Variants in PARD3B observed in about 807,000 individuals in gnomAD.
PARD3B encodes the protein partitioning defective 3 homolog B.
In PARD3B, 103 loss-of-function variants were observed where a neutral mutation model predicts 130.2. The observed-to-expected ratio is 0.79, with a 90% confidence interval of 0.67 to 0.93. PARD3B has a LOEUF of 0.93. PARD3B is among the 40% of genes least tolerant of loss of function. The pLI, the probability that PARD3B is intolerant of heterozygous loss-of-function variation, is 0.00. For synonymous variants in PARD3B, 583 were observed against 553.2 expected (o/e 1.05, Z -0.76); for missense variants, 1,609 against 1,499.2 (o/e 1.07, Z -1.21).
At chr2:205,377,899 T>A (rs2105925187) in intron 18 of PARD3B, among the ~76,000 whole-genome samples, 1 of 151,930 alleles carries the variant, frequency 6.6e-6, no homozygotes, top group South Asian at 2.1e-4. Flanking sequence ...GCCTCCCAAG[T>A]AGCTGGGACT....
chr2:205,034,088 C>T (rs1397571234), intron 3 of PARD3B, among the ~76,000 whole-genome samples: 4 of 152,154 alleles, frequency 2.6e-5, no homozygotes, highest in Non-Finnish European at 5.9e-5. Context: ...ACAGTAGCAA[C>T]TTATTTACAT....
intron 16 of PARD3B, among the ~76,000 whole-genome samples, chr2:205,249,006 GTTTTTTTT>G (rs10707308): frequency 8.4e-5 from 8 of 95,084 alleles, no homozygotes; most frequent in Non-Finnish European, 2.0e-5. Context: ...TAAAATAAGA[GTTTTTTTT>G]TTTTTTTTTT....
chr2:204,600,423 G>C (rs1326079419), intron 1 of PARD3B, among the ~76,000 whole-genome samples: 1 of 151,586 alleles, frequency 6.6e-6, no homozygotes, highest in African/African-American at 2.4e-5. Context: ...TGAAGAGATT[G>C]TTCTTTCTTT....
intron 22 of PARD3B, among the ~76,000 whole-genome samples, chr2:205,567,949 GC>G (rs2053418184): frequency 2.0e-5 from 3 of 152,166 alleles, no homozygotes; most frequent in Admixed American, 6.5e-5. Context: ...CTCACACCTT[GC>G]CCCACCTGGG....
In PARD3B at chr2:205,572,127, A is replaced by C. The variant is rs2053580010; in HGVS notation, c.3260+18724A>C. 1.3e-5 allele frequency among the ~76,000 whole-genome samples: 2 copies of C among 152,316 alleles called. No homozygotes were observed. The highest frequency in any genetic ancestry group is 4.1e-4 in the South Asian group (2 of 4,824). Reference sequence around the variant, plus strand: ...TCATTCAGTAAACTTTTACATAAATACTACTATATAGCCAGCACTGAGGAA... The same window carrying C: ...TCATTCAGTAAACTTTTACATAAATCCTACTATATAGCCAGCACTGAGGAA... On this transcript the variant is annotated intron_variant, in intron 22 of 22. Transcript: ENST00000406610. This position sits in a 1 kb window ranked among gnomAD's most constrained non-coding sequence, Gnocchi z 4.2.
chr2:205,172,144 C>T, intron 11 of PARD3B, 67 bp from the exon 12 acceptor site: 1 of 1,455,030 alleles, frequency 6.9e-7, no homozygotes, highest in Non-Finnish European at 9.3e-7. Flanking sequence ...GAACTTTTCC[C>T]CAAAACGCCA....
At chr2:204,746,513 G>A (rs1274051039) in intron 2 of PARD3B, among the ~76,000 whole-genome samples, 2 of 151,962 alleles carry the variant, frequency 1.3e-5, no homozygotes, top group Non-Finnish European at 1.5e-5. Context: ...GGGATGGCTG[G>A]GTCAAATGGT....
intron 21 of PARD3B, among the ~76,000 whole-genome samples, chr2:205,536,700 C>G (rs2051876343): frequency 6.6e-6 from 1 of 152,202 alleles, no homozygotes; most frequent in African/African-American, 2.4e-5. Context: ...GTAACTCTCT[C>G]TACTTCCTTC....
At chr2:204,927,886 A>T (rs1687748514) in intron 2 of PARD3B, among the ~76,000 whole-genome samples, 1 of 152,174 alleles carries the variant, frequency 6.6e-6, no homozygotes, top group South Asian at 2.1e-4. Context: ...AGATTGATAG[A>T]TAATATATGT....
intron 1 of PARD3B, among the ~76,000 whole-genome samples, chr2:204,633,913 G>T (rs2034779862): frequency 6.6e-6 from 1 of 152,156 alleles, no homozygotes; most frequent in Non-Finnish European, 1.5e-5. Flanking sequence ...ACAGGCAAAT[G>T]TGTAATGTGA....
intron 2 of PARD3B, among the ~76,000 whole-genome samples, chr2:204,901,817 A>T (rs962341385): frequency 6.6e-6 from 1 of 152,052 alleles, no homozygotes; most frequent in Non-Finnish European, 1.5e-5. Context: ...CAGGTGATGA[A>T]TCCTTCCAGG....
chr2:204,547,893 A>G (rs1407895829), intron 1 of PARD3B, among the ~76,000 whole-genome samples: 2 of 152,192 alleles, frequency 1.3e-5, no homozygotes, highest in Non-Finnish European at 2.9e-5. Context: ...GTAACTTATA[A>G]TATCACAGAA....
rs77773680 is a variant in PARD3B, at chr2:204,627,764, C to G, written c.121-58417C>G. Among the ~76,000 whole-genome samples the G allele has an allele frequency of 6.7e-3, 1,013 of 151,900 alleles. 14 individuals are homozygous for G. The highest frequency in any genetic ancestry group is 0.023 in the African/African-American group (966 of 41,450). On this transcript the variant is annotated intron_variant, in intron 1 of 22. Coordinates refer to ENST00000406610, the MANE Select transcript of PARD3B (RefSeq NM_001302769.2). ...AACCTGGAATTCAAGGCTTTTAATC[C>G]CAGAAAAAGACTTTAAGATTGTGAA...
At chr2:204,547,579 T>G (rs913042883) in intron 1 of PARD3B, among the ~76,000 whole-genome samples, 1 of 152,206 alleles carries the variant, frequency 6.6e-6, no homozygotes, top group African/African-American at 2.4e-5. Context: ...CAATTGTCTA[T>G]TAAATCATAT....
At chr2:205,238,563 G>A (rs1294985364) in intron 15 of PARD3B, among the ~76,000 whole-genome samples, 1 of 151,974 alleles carries the variant, frequency 6.6e-6, no homozygotes, top group Non-Finnish European at 1.5e-5. Context: ...TGGGTGCGGT[G>A]GCTTACGCCT....
At chr2:205,523,774 C>A (rs1327376000) in intron 21 of PARD3B, among the ~76,000 whole-genome samples, 1 of 149,096 alleles carries the variant, frequency 6.7e-6, no homozygotes, top group Non-Finnish European at 1.5e-5. Flanking sequence ...TATGACAGCT[C>A]CATTGCTCAG....
At chr2:205,310,752 C>T (rs1222693508) in intron 18 of PARD3B, among the ~76,000 whole-genome samples, 1 of 102,496 alleles carries the variant, frequency 9.8e-6, no homozygotes, top group Non-Finnish European at 1.8e-5. Context: ...GAGACAGAGT[C>T]TCACTCTGTC....
intron 1 of PARD3B, among the ~76,000 whole-genome samples, chr2:204,672,278 T>C (rs2036342577): frequency 6.6e-6 from 1 of 152,208 alleles, no homozygotes; most frequent in African/African-American, 2.4e-5. Context: ...CCTTTTCCCA[T>C]GTAAAGAATA....
At chr2:204,969,416 G>A (rs1691509785) in intron 3 of PARD3B, among the ~76,000 whole-genome samples, 1 of 152,168 alleles carries the variant, frequency 6.6e-6, no homozygotes, top group Non-Finnish European at 1.5e-5. Flanking sequence ...CCAATAAACA[G>A]AATCCCAATG....
Sources: gnomAD v4.1 joint callset for allele counts (sites outside exome capture counted in the v4.1 genomes callset) on GRCh38, gnomAD v4.1.1 for gene constraint, Gnocchi (gnomAD v3.1) non-coding constraint, MANE v1.5 for transcripts, NCBI Gene and HGNC (gene_info 2026-07-23, HGNC 2026-07-21) for gene names.